Variants in SHLD2 observed in about 807,000 individuals in gnomAD.
SHLD2 encodes RINN1-REV7-interacting novel NHEJ regulator 2.
In SHLD2, 30 loss-of-function variants were observed where a neutral mutation model predicts 73.2. The ratio of observed to expected loss-of-function variants is 0.41; its 90% CI spans 0.31 to 0.56. SHLD2 has a LOEUF of 0.56. Among genes scored for constraint, SHLD2 ranks in the 20% least tolerant of loss-of-function variants. The pLI, the probability that SHLD2 is intolerant of heterozygous loss-of-function variation, is 0.28. For synonymous variants in SHLD2, 285 were observed against 370.1 expected, an observed-to-expected ratio of 0.77 and a Z score of 2.64; for missense variants, 745 against 1,055.9, an observed-to-expected ratio of 0.71 and a Z score of 4.08.
chr10:87,182,409 G>A (rs998765834), intron 8 of SHLD2, among the ~76,000 whole-genome samples: 3 of 152,178 alleles, frequency 2.0e-5, no homozygotes, highest in Non-Finnish European at 4.4e-5. Context: ...CTATGAGTGG[G>A]TTGATCATAT....
chr10:87,145,480 C>G (rs1215656749), intron 2 of SHLD2, among the ~76,000 whole-genome samples: 1 of 151,692 alleles, frequency 6.6e-6, no homozygotes, highest in Non-Finnish European at 1.5e-5. Flanking sequence ...AATTACAATC[C>G]CATGTGGCTT....
At chr10:87,107,111 G>T (rs1360404485) in intron 2 of SHLD2, among the ~76,000 whole-genome samples, 1 of 70,298 alleles carries the variant, frequency 1.4e-5, no homozygotes, top group Non-Finnish European at 3.0e-5. Context: ...AAAAAAAAGA[G>T]ATTTAAAATG....
At chr10:87,114,990 A>T (rs951309030) in intron 2 of SHLD2, among the ~76,000 whole-genome samples, 6 of 152,138 alleles carry the variant, frequency 3.9e-5, no homozygotes, top group African/African-American at 1.4e-4. Context: ...TGCCAAGTGG[A>T]GAGTTGAGTA....
chr10:87,154,486 T>G (rs1379231499), intron 3 of SHLD2: 1 of 152,096 alleles, frequency 6.6e-6, no homozygotes, highest in African/African-American at 2.4e-5. Context: ...GTGCAGGTGA[T>G]TCTCCTGCCT....
chr10:87,095,329 G>T, intron 1 of SHLD2, 81 bp downstream of exon 1: 1 of 152,136 alleles, frequency 6.6e-6, no homozygotes, highest in Non-Finnish European at 1.5e-5. Context: ...TCTGTAGGGC[G>T]CTCAGAGGCC....
intron 4 of SHLD2, 139 bp from the exon 5 acceptor site, chr10:87,170,332 TATTGTAC>T (rs1847504860): frequency 1.8e-6 from 1 of 547,398 alleles, no homozygotes; most frequent in Admixed American, 3.6e-5. Flanking sequence ...AAGACTTAGC[TATTGTAC>T]ATGTTTTAGA....
At chr10:87,132,772 T>C (rs1280685484) in intron 2 of SHLD2, among the ~76,000 whole-genome samples, 1 of 151,202 alleles carries the variant, frequency 6.6e-6, no homozygotes, top group African/African-American at 2.4e-5. Context: ...AGACCCTGTC[T>C]CAAAAACAAA....
intron 2 of SHLD2, among the ~76,000 whole-genome samples, chr10:87,146,929 G>A (rs1233790564): frequency 1.3e-5 from 2 of 151,552 alleles, no homozygotes; most frequent in African/African-American, 2.4e-5. Context: ...GGTGGTGCAT[G>A]CCTGTAATCT....
chr10:87,165,569 A>G (rs1427994340), intron 4 of SHLD2, among the ~76,000 whole-genome samples: 1 of 152,170 alleles, frequency 6.6e-6, no homozygotes, highest in African/African-American at 2.4e-5. Context: ...ACCCAAAGGG[A>G]AGGACGTTCT....
intron 2 of SHLD2, among the ~76,000 whole-genome samples, chr10:87,126,581 A>G (rs1431856994): frequency 6.6e-6 from 1 of 152,200 alleles, no homozygotes; most frequent in Non-Finnish European, 1.5e-5. Context: ...GTATTAGTAA[A>G]GGAAAAGAAG....
intron 3 of SHLD2, among the ~76,000 whole-genome samples, chr10:87,155,821 T>C (rs1416863729): frequency 6.6e-6 from 1 of 152,198 alleles, no homozygotes; most frequent in Non-Finnish European, 1.5e-5. Context: ...CATTTTCCTA[T>C]TATAAGACAT....
At chr10:87,178,186 A>C (rs1393349513) in intron 7 of SHLD2, among the ~76,000 whole-genome samples, 1 of 136,208 alleles carries the variant, frequency 7.3e-6, no homozygotes, top group Non-Finnish European at 1.5e-5. Flanking sequence ...CAGTGAGCCG[A>C]GATTGCACCA....
At chr10:87,099,718 C>A (rs1009975306) in intron 2 of SHLD2, among the ~76,000 whole-genome samples, 1 of 152,186 alleles carries the variant, frequency 6.6e-6, no homozygotes, top group African/African-American at 2.4e-5. Flanking sequence ...CCAAACTTTT[C>A]CACAGTGGCT....
intron 4 of SHLD2, among the ~76,000 whole-genome samples, chr10:87,159,418 A>G (rs1250437277): frequency 6.6e-6 from 1 of 152,206 alleles, no homozygotes; most frequent in East Asian, 1.9e-4. Context: ...CTGGGGGTAC[A>G]ATGGTGCCTG....
chr10:87,120,700 T>C (rs1843557863), intron 2 of SHLD2, among the ~76,000 whole-genome samples: 1 of 152,316 alleles, frequency 6.6e-6, no homozygotes, highest in Non-Finnish European at 1.5e-5. Context: ...AAAGCTGTAT[T>C]GAAGAGAGAA....
chr10:87,181,882 G>T (rs914517961), intron 8 of SHLD2, among the ~76,000 whole-genome samples: 10 of 150,526 alleles, frequency 6.6e-5, no homozygotes, highest in African/African-American at 2.0e-4. Flanking sequence ...TGATTCTTCT[G>T]TCTCAGCCTC....
chr10:87,099,514 A>G (rs1842129265), intron 2 of SHLD2, among the ~76,000 whole-genome samples: 1 of 152,198 alleles, frequency 6.6e-6, no homozygotes, highest in Admixed American at 6.5e-5. Flanking sequence ...TGTTATGGCT[A>G]CATAGTTTTT....
chr10:87,169,984 G>A (rs1379949067), intron 4 of SHLD2, among the ~76,000 whole-genome samples: 3 of 152,182 alleles, frequency 2.0e-5, no homozygotes, highest in Admixed American at 6.5e-5. Flanking sequence ...TGGTGAGGAC[G>A]GAGGCCTCGC....
chr10:87,144,249 G>A (rs555864385), intron 2 of SHLD2, among the ~76,000 whole-genome samples: 4 of 152,128 alleles, frequency 2.6e-5, no homozygotes, highest in Non-Finnish European at 4.4e-5. Context: ...GAAGGCAAAT[G>A]CCCTGGAACA....
Sources: gnomAD v4.1 joint callset for allele counts (sites outside exome capture counted in the v4.1 genomes callset) on GRCh38, gnomAD v4.1.1 for gene constraint, MANE v1.5 for transcripts, NCBI Gene and HGNC (gene_info 2026-07-23, HGNC 2026-07-21) for gene names.